Variants in SCUBE1 observed in about 807,000 individuals in gnomAD.
The protein encoded by SCUBE1 is signal peptide, CUB domain and EGF like domain containing 1.
A neutral mutation model predicts 124.4 loss-of-function variants in SCUBE1; 59 were observed. The ratio of observed to expected loss-of-function variants is 0.47; its 90% CI spans 0.38 to 0.59. SCUBE1 has a LOEUF of 0.59. SCUBE1 is among the 20% of genes least tolerant of loss of function. The probability of loss-of-function intolerance (pLI) is 0.00; values close to 1 mark genes in which losing one functional copy is unlikely to be tolerated. For synonymous variants in SCUBE1, 545 were observed against 550.9 expected, an observed-to-expected ratio of 0.99 and a Z score of 0.15; for missense variants, 1,150 against 1,371.2, an observed-to-expected ratio of 0.84 and a Z score of 2.55.
chr22:43,258,434 G>GATGCCCTT lies in SCUBE1; in HGVS notation c.611-100_611-99insAAGGGCAT. ...GCTGCCTTCAGGGTATGGGGAAACT[G>GATGCCCTT]AGGCCTAAGGGCATCAGTGGGTAGG... On this transcript the variant is annotated intron_variant, in intron 5 of 21. Transcript: ENST00000360835. The surrounding 1 kb of genome is among the most constrained non-coding windows in gnomAD (Gnocchi z 5.0). The GATGCCCTT allele has an allele frequency of 2.3e-6, 2 of 854,918 alleles. No individual in the cohort carries two copies. The highest frequency in any genetic ancestry group is 4.0e-6 in the Non-Finnish European group (2 of 499,296). The allele number at this position is 854,918 out of a possible 1,614,324, so 53.0% of individuals were successfully genotyped here.
At chr22:43,204,226 G>A (rs1921126548) in intron 21 of SCUBE1, 77 bp from the exon 22 acceptor site, 10 of 1,382,210 alleles carry the variant, frequency 7.2e-6, no homozygotes, top group East Asian at 2.3e-5. Flanking sequence ...GGCTGGGGGA[G>A]GGGAGAGAGA....
At chr22:43,274,914 G>A (rs1000259300) in intron 4 of SCUBE1, among the ~76,000 whole-genome samples, 1 of 152,180 alleles carries the variant, frequency 6.6e-6, no homozygotes, top group Non-Finnish European at 1.5e-5. Context: ...TCATGGGCTC[G>A]GGGCACAGTA....
chr22:43,214,047 G>GGGGCC, intron 16 of SCUBE1, 43 bp downstream of exon 16: 3 of 143,438 alleles, frequency 2.1e-5, no homozygotes, highest in East Asian at 2.8e-4. Context: ...AGGAGCCCCC[G>GGGGCC]CCCACCCCCC....
At chr22:43,260,157 A>T (rs1018131003) in intron 5 of SCUBE1, among the ~76,000 whole-genome samples, 3 of 152,052 alleles carry the variant, frequency 2.0e-5, no homozygotes, top group Admixed American at 6.5e-5. Flanking sequence ...GTTCTTCTTG[A>T]GCTCCAGGCT....
intron 2 of SCUBE1, among the ~76,000 whole-genome samples, chr22:43,327,048 G>C (rs1440987112): frequency 6.6e-6 from 1 of 152,166 alleles, no homozygotes; most frequent in Non-Finnish European, 1.5e-5. Flanking sequence ...CCTCAGAAAC[G>C]AGCAGAGCCC....
intron 4 of SCUBE1, among the ~76,000 whole-genome samples, chr22:43,263,137 T>C (rs1923935675): frequency 6.6e-6 from 1 of 152,170 alleles, no homozygotes; most frequent in South Asian, 2.1e-4. Context: ...GACCAAGCTC[T>C]TGCTCTAGGT....
intron 2 of SCUBE1, among the ~76,000 whole-genome samples, chr22:43,335,814 ATGATGG>A (rs1927050363): frequency 8.7e-6 from 1 of 115,552 alleles, no homozygotes; most frequent in Admixed American, 8.3e-5. Context: ...GATGATGATG[ATGATGG>A]TGATGATGAT....
rs375388305 is a variant in SCUBE1, at chr22:43,210,129, G to C, written c.2495C>G (p.Pro832Arg). The C allele has an allele frequency of 1.2e-6, 2 of 1,612,592 alleles. No individual in the cohort carries two copies. Among genetic ancestry groups the C allele is most frequent in the African/African-American group, 2.7e-5 (2 of 74,904 alleles). The change falls in exon 19 of 22, where the codon CCA becomes CGA. Residue 832 changes from proline to arginine, a missense_variant. Physicochemically the swap from Pro to Arg is moderately radical, Grantham distance 103 (BLOSUM62 -2). Around this residue, in one of 3 missense-constraint regions of SCUBE1, gnomAD observed 757 missense variants for 840.9 expected, o/e 0.90. Coordinates refer to ENST00000360835, the MANE Select transcript of SCUBE1 (RefSeq NM_173050.5). The surrounding 1 kb of genome is among the most constrained non-coding windows in gnomAD (Gnocchi z 4.5). ...GACCACGATGAGGATCCTGCGCTTT[G>C]GGGGAGGCGCGATGTGCCAGACGCA... is the stretch of plus-strand genomic sequence containing the variant. ...AECVWHIAPP[P>R]KRRILIVVPE... is the part of the protein sequence containing the mutation.
intron 2 of SCUBE1, among the ~76,000 whole-genome samples, chr22:43,329,996 T>C (rs757784820): frequency 6.7e-6 from 1 of 149,038 alleles, no homozygotes; most frequent in Non-Finnish European, 1.5e-5. Context: ...CCTGGGGAGC[T>C]GGAGGACATG....
chr22:43,206,396 C>CGCA (rs1234429989), intron 21 of SCUBE1, among the ~76,000 whole-genome samples: 1 of 151,866 alleles, frequency 6.6e-6, no homozygotes, highest in Non-Finnish European at 1.5e-5. Flanking sequence ...CCCCACCCCC[C>CGCA]GCACACACAC....
At chr22:43,241,925 G>A (rs928517659) in intron 6 of SCUBE1, among the ~76,000 whole-genome samples, 1 of 152,354 alleles carries the variant, frequency 6.6e-6, no homozygotes, top group Non-Finnish European at 1.5e-5. Flanking sequence ...CTGGCCTTGG[G>A]CCCGCCCTCA....
intron 4 of SCUBE1, among the ~76,000 whole-genome samples, chr22:43,265,818 G>T (rs1332671626): frequency 6.6e-6 from 1 of 152,208 alleles, no homozygotes; most frequent in Non-Finnish European, 1.5e-5. Flanking sequence ...TGTTACATGG[G>T]GGTGGGCATG....
chr22:43,317,486 T>C (rs561715583), intron 3 of SCUBE1, among the ~76,000 whole-genome samples: 3 of 152,308 alleles, frequency 2.0e-5, no homozygotes, highest in African/African-American at 7.2e-5. Flanking sequence ...GACAACCCTG[T>C]GAGGAAGCTG....
intron 4 of SCUBE1, among the ~76,000 whole-genome samples, chr22:43,285,910 C>T (rs1321153669): frequency 6.6e-6 from 1 of 152,204 alleles, no homozygotes; most frequent in African/African-American, 2.4e-5. Flanking sequence ...CACAGATGAA[C>T]CTGGGTGCAA....
At chr22:43,332,163 C>G (rs1926923911) in intron 2 of SCUBE1, among the ~76,000 whole-genome samples, 1 of 152,100 alleles carries the variant, frequency 6.6e-6, no homozygotes, top group African/African-American at 2.4e-5. Context: ...TGGTGCGCAC[C>G]TGTAGTCCCA....
At chr22:43,236,521 C>T (rs1223073333) in intron 7 of SCUBE1, among the ~76,000 whole-genome samples, 1 of 152,212 alleles carries the variant, frequency 6.6e-6, no homozygotes, top group African/African-American at 2.4e-5. Flanking sequence ...GGGTGTGAGC[C>T]TCCCCTGCCC....
Position 43,256,525 on chromosome 22 carries a change from A to G in SCUBE1, c.727+1694T>C, listed in dbSNP as rs186302012. On this transcript the variant is annotated intron_variant, in intron 6 of 21. Transcript: ENST00000360835. ...CAGCAGGGGCTGGGTAAGGAAGGTG[A>G]TTTCTAATGAGAGGGGAGGGAAGGT... Among the ~76,000 whole-genome samples, 242 of 152,202 alleles carry G rather than the reference A, an allele frequency of 1.6e-3. 1 individual carries two copies. Among genetic ancestry groups the G allele is most frequent in the African/African-American group, 5.7e-3 (236 of 41,538 alleles).
intron 6 of SCUBE1, among the ~76,000 whole-genome samples, chr22:43,242,699 T>C (rs1196913099): frequency 6.6e-6 from 1 of 152,200 alleles, no homozygotes; most frequent in Non-Finnish European, 1.5e-5. Flanking sequence ...CCCGGGGAGC[T>C]AAAGACAGAA....
intron 4 of SCUBE1, among the ~76,000 whole-genome samples, chr22:43,285,460 C>T (rs1925101973): frequency 6.6e-6 from 1 of 152,188 alleles, no homozygotes; most frequent in Admixed American, 6.5e-5. Context: ...ACAGGGAGCT[C>T]CCAAGCTGCA....
Sources: gnomAD v4.1 joint callset for allele counts (sites outside exome capture counted in the v4.1 genomes callset) on GRCh38, gnomAD v4.1.1 for gene constraint, gnomAD v4.1.1 regional missense constraint, Gnocchi (gnomAD v3.1) non-coding constraint, MANE v1.5 for transcripts, NCBI Gene and HGNC (gene_info 2026-07-23, HGNC 2026-07-21) for gene names.